The following FGF13 variants were observed in gnomAD, a reference collection of about 807,000 sequenced individuals.
The protein encoded by FGF13 is fibroblast growth factor homologous factor 2.
FGF13 carries 2 observed loss-of-function variants against 19.5 expected under a neutral mutation model. The ratio of observed to expected loss-of-function variants is 0.10; its 90% CI spans 0.04 to 0.32. FGF13 has a LOEUF of 0.32. Ranked by LOEUF, FGF13 falls within the 10% of genes least tolerant of loss-of-function variation. FGF13 has a pLI of 1.00. For synonymous variants in FGF13, 72 were observed against 76.9 expected (o/e 0.94, Z 0.33); for missense variants, 113 against 192.7 (o/e 0.59, Z 2.45).
intron 1 of FGF13, among the ~76,000 whole-genome samples, chrX:139,109,792 T>C (rs953200008): frequency 5.4e-5 from 6 of 111,750 alleles, no homozygotes; most frequent in South Asian, 3.8e-4. Context: ...GGGTGCCCTA[T>C]ACAAATCAAC....
chrX:138,887,033 A>G (rs2091454724), intron 1 of FGF13, among the ~76,000 whole-genome samples: 1 of 111,482 alleles, frequency 9.0e-6, no homozygotes, highest in Admixed American at 9.6e-5. Context: ...AGTAGATCCA[A>G]TGTTGCATGG....
intron 1 of FGF13, among the ~76,000 whole-genome samples, chrX:138,723,326 A>G (rs2090160172): frequency 8.9e-6 from 1 of 111,958 alleles, no homozygotes; most frequent in African/African-American, 3.2e-5. Flanking sequence ...AAGTGGGAAT[A>G]CTTCTCCTTT....
chrX:138,722,907 A>T (rs2090157238), intron 1 of FGF13, among the ~76,000 whole-genome samples: 1 of 112,108 alleles, frequency 8.9e-6, no homozygotes, highest in Admixed American at 9.4e-5. Context: ...CATTTTCCCA[A>T]GCATTTACTC....
intron 3 of FGF13, among the ~76,000 whole-genome samples, chrX:138,838,113 C>G (rs892468107): frequency 3.6e-5 from 4 of 111,982 alleles, no homozygotes; most frequent in African/African-American, 1.3e-4. Context: ...ACCCTTCCCC[C>G]AGAAAGCTTT....
chrX:138,942,735 C>T (rs2091764449), intron 1 of FGF13, among the ~76,000 whole-genome samples: 1 of 111,767 alleles, frequency 8.9e-6, no homozygotes, highest in African/African-American at 3.3e-5. Context: ...TATTTTCTAT[C>T]TCTTTAGTTC....
intron 1 of FGF13, among the ~76,000 whole-genome samples, chrX:139,137,904 C>A (rs1167273125): frequency 1.8e-5 from 2 of 112,084 alleles, no homozygotes; most frequent in African/African-American, 6.5e-5. Flanking sequence ...AGCCTCAGCC[C>A]TGAGAATGCA....
At chrX:138,842,155 A>G (rs1186770939) in intron 3 of FGF13, among the ~76,000 whole-genome samples, 1 of 112,014 alleles carries the variant, frequency 8.9e-6, no homozygotes, top group Non-Finnish European at 1.9e-5. Flanking sequence ...TTTCTGAATG[A>G]GCTTATATTT....
chrX:139,130,037 G>C (rs1193232824), intron 1 of FGF13, among the ~76,000 whole-genome samples: 1 of 112,114 alleles, frequency 8.9e-6, no homozygotes, highest in East Asian at 2.8e-4. Flanking sequence ...TAGGGAACAA[G>C]GAACTAACAA....
intron 1 of FGF13, among the ~76,000 whole-genome samples, chrX:139,187,044 A>G (rs2084288074): frequency 8.8e-6 from 1 of 113,011 alleles, no homozygotes; most frequent in Admixed American, 9.3e-5. Context: ...CTGCAAGGGC[A>G]GGGACACTCT....
chrX:138,980,645 G>A (rs1258370166), intron 1 of FGF13, among the ~76,000 whole-genome samples: 1 of 101,308 alleles, frequency 9.9e-6, no homozygotes. Context: ...AGTAATGATC[G>A]TCATCACTAT....
chrX:138,665,721 G>C (rs1374630356), intron 3 of FGF13, among the ~76,000 whole-genome samples: 1 of 110,727 alleles, frequency 9.0e-6, no homozygotes, highest in Non-Finnish European at 1.9e-5. Context: ...GAGATGTAGT[G>C]GCACTTAATT....
intron 1 of FGF13, among the ~76,000 whole-genome samples, chrX:139,098,880 T>C (rs888787676): frequency 9.0e-6 from 1 of 111,420 alleles, no homozygotes; most frequent in African/African-American, 3.3e-5. Flanking sequence ...CCACTGAATC[T>C]AAAATTTAAA....
intron 1 of FGF13, among the ~76,000 whole-genome samples, chrX:139,005,225 A>T (rs1339844544): frequency 1.1e-5 from 1 of 90,012 alleles, no homozygotes; most frequent in Non-Finnish European, 2.1e-5. Flanking sequence ...CAGGTGGTAC[A>T]GAACAGACAG....
At chrX:138,958,206 A>G (rs143033167) in intron 1 of FGF13, among the ~76,000 whole-genome samples, 5,639 of 111,401 alleles carry the variant, frequency 0.051, 151 homozygotes, top group East Asian at 0.18. Context: ...TCCCATTGAT[A>G]CCTAGTTTAT....
Position 138,984,591 on chromosome X carries a change from G to GA in FGF13, c.-112-119942dup, listed in dbSNP as rs1390994166. ...GAAGAAGAAGAAGAAGAAGAAGAAG[G>GA]AGGAGGAGGAGGAGGAGGAGGAGGA... is the stretch of plus-strand genomic sequence containing the variant. On this transcript the variant is annotated intron_variant, in intron 1 of 2. Transcript: ENST00000421460. Among the ~76,000 whole-genome samples the GA allele has an allele frequency of 8.8e-3, 163 of 18,610 alleles. 19 individuals carry two copies. Among genetic ancestry groups the GA allele is most frequent in the East Asian group, 0.027 (15 of 565 alleles). The allele number at this position is 18,610 out of a possible 115,157, so 16.2% of individuals were successfully genotyped here.
downstream of FGF13, among the ~76,000 whole-genome samples, chrX:138,854,085 A>T (rs1198765756): frequency 2.7e-5 from 3 of 111,824 alleles, no homozygotes; most frequent in African/African-American, 9.7e-5. Flanking sequence ...GAGCGGTAAG[A>T]AAAAGATTTT....
intron 3 of FGF13, among the ~76,000 whole-genome samples, chrX:138,813,140 A>ATGT (rs764653001): frequency 3.6e-5 from 4 of 111,980 alleles, no homozygotes. Context: ...ATACATGTTC[A>ATGT]TGTGTCTTTA....
At chrX:139,044,256 T>G (rs1442619598) in intron 1 of FGF13, among the ~76,000 whole-genome samples, 1 of 111,922 alleles carries the variant, frequency 8.9e-6, no homozygotes, top group Non-Finnish European at 1.9e-5. Context: ...ACTGGAAGCA[T>G]GGTGCTGGCA....
intron 1 of FGF13, among the ~76,000 whole-genome samples, chrX:138,882,094 T>C (rs1269979924): frequency 9.0e-6 from 1 of 111,201 alleles, no homozygotes; most frequent in African/African-American, 3.3e-5. Flanking sequence ...TTTTGGTATG[T>C]GGCTCTGTGT....
Sources: gnomAD v4.1 joint callset for allele counts (sites outside exome capture counted in the v4.1 genomes callset) on GRCh38, gnomAD v4.1.1 for gene constraint, MANE v1.5 for transcripts, NCBI Gene and HGNC (gene_info 2026-07-23, HGNC 2026-07-21) for gene names.